Variants in DLGAP1 observed in about 807,000 individuals in gnomAD.
The protein encoded by DLGAP1 is disks large-associated protein 1.
In DLGAP1, 11 loss-of-function variants were observed where a neutral mutation model predicts 90.8. The ratio of observed to expected loss-of-function variants is 0.12; its 90% CI spans 0.08 to 0.20. DLGAP1 has a LOEUF of 0.20. DLGAP1 is among the 10% of genes least tolerant of loss of function. The probability of loss-of-function intolerance (pLI) is 1.00; values close to 1 mark genes in which losing one functional copy is unlikely to be tolerated. For missense variants in DLGAP1, 1,050 were observed against 1,333.8 expected (o/e 0.79, Z 3.31); for synonymous variants, 558 against 540.7 (o/e 1.03, Z -0.44).
intron 3 of DLGAP1, among the ~76,000 whole-genome samples, chr18:3,887,245 T>C (rs1380427231): frequency 6.6e-6 from 1 of 152,186 alleles, no homozygotes; most frequent in African/African-American, 2.4e-5. Context: ...TTTTGTGTAC[T>C]GAACCTTGCA....
At position 3,987,312 on chromosome 18, in the gene DLGAP1, G is replaced by A. The variant is rs567775774; in HGVS notation, c.-73+17804C>T. Among the ~76,000 whole-genome samples, 21 of 152,154 alleles carry A rather than the reference G, an allele frequency of 1.4e-4. 1 individual carries two copies. The South Asian group carries it at 4.4e-3, about 32-fold the overall frequency. ...TACTCACTGAGGTCCCCATTTCCTCGATTGTTTGGAGAAAGGATTTTGAAA... is the reference window on the plus strand; with the variant it reads ...TACTCACTGAGGTCCCCATTTCCTCAATTGTTTGGAGAAAGGATTTTGAAA... On this transcript the variant is annotated intron_variant, in intron 3 of 12. Transcript: ENST00000315677.
intron 2 of DLGAP1, among the ~76,000 whole-genome samples, chr18:4,108,709 A>T (rs970272850): frequency 1.3e-5 from 2 of 152,248 alleles, no homozygotes; most frequent in Non-Finnish European, 2.9e-5. Flanking sequence ...AAGCAACTTT[A>T]GGCAGCATTT....
intron 7 of DLGAP1, among the ~76,000 whole-genome samples, chr18:3,623,568 A>T (rs1157947312): frequency 1.3e-5 from 2 of 151,850 alleles, no homozygotes; most frequent in Non-Finnish European, 2.9e-5. Context: ...CGGGCGGATC[A>T]CCTGAGGTCA....
At chr18:4,229,848 T>C (rs1221483057) in intron 1 of DLGAP1, among the ~76,000 whole-genome samples, 1 of 151,926 alleles carries the variant, frequency 6.6e-6, no homozygotes, top group Non-Finnish European at 1.5e-5. Context: ...ATCAACAAAG[T>C]GAAGACATAA....
At chr18:4,327,490 A>G (rs4550556) in intron 1 of DLGAP1, among the ~76,000 whole-genome samples, 45,255 of 151,878 alleles carry the variant, frequency 0.3, 6,854 homozygotes, top group East Asian at 0.34. Flanking sequence ...AAATTATTCA[A>G]TATTGAAGTA....
At chr18:3,860,098 C>CAAAAAAAAAAAAAAA (rs1169488386) in intron 4 of DLGAP1, among the ~76,000 whole-genome samples, 124 of 104,822 alleles carry the variant, frequency 1.2e-3, no homozygotes, top group African/African-American at 3.4e-3. Context: ...GACTCTGTCT[C>CAAAAAAAAAAAAAAA]AAAAAATAAA....
intron 2 of DLGAP1, among the ~76,000 whole-genome samples, chr18:4,057,028 C>G (rs1413154655): frequency 2.0e-5 from 3 of 149,600 alleles, no homozygotes; most frequent in African/African-American, 7.4e-5. Flanking sequence ...CACACACACA[C>G]ACACACACAC....
intron 1 of DLGAP1, among the ~76,000 whole-genome samples, chr18:4,409,885 A>G (rs2144600359): frequency 6.6e-6 from 1 of 152,350 alleles, no homozygotes; most frequent in East Asian, 1.9e-4. Flanking sequence ...AATTCACAAT[A>G]GCAAAATTGT....
chr18:3,977,434 G>GTTTTTTTTTTTTTTTTTTTT (rs58599574), intron 3 of DLGAP1, among the ~76,000 whole-genome samples: 7 of 95,330 alleles, frequency 7.3e-5, no homozygotes, highest in African/African-American at 2.9e-4. Context: ...TTTATTCTGT[G>GTTTTTTTTTTTTTTTTTTTT]TTTTTTTTTT....
intron 4 of DLGAP1, among the ~76,000 whole-genome samples, chr18:3,826,917 A>G (rs1292055826): frequency 6.6e-6 from 1 of 152,126 alleles, no homozygotes; most frequent in Non-Finnish European, 1.5e-5. Flanking sequence ...GATAGGGCCA[A>G]GAGGTTTGCT....
intron 2 of DLGAP1, among the ~76,000 whole-genome samples, chr18:4,060,421 C>A (rs545731105): frequency 6.6e-6 from 1 of 152,276 alleles, no homozygotes; most frequent in Non-Finnish European, 1.5e-5. Context: ...CCTCTGAATT[C>A]ATCTTTCTCT....
rs137967708 is a variant in DLGAP1 at position 4,021,233 on chromosome 18, T to C, written c.-158-16032A>G. On this transcript the variant is annotated intron_variant, in intron 2 of 12. Coordinates refer to ENST00000315677, the MANE Select transcript of DLGAP1 (RefSeq NM_004746.4). ...CCTGTCTTGATAAATCGGCTCTGTC[T>C]AGGCAGCAGGCAAGGAGAATCCATG... 1.8e-3 allele frequency among the ~76,000 whole-genome samples: 281 copies of C among 152,324 alleles called. 2 individuals are homozygous for C. Among genetic ancestry groups the C allele is most frequent in the East Asian group, 0.016 (81 of 5,182 alleles).
intron 9 of DLGAP1, among the ~76,000 whole-genome samples, chr18:3,559,706 T>C (rs1435594593): frequency 1.4e-5 from 2 of 142,886 alleles, no homozygotes; most frequent in African/African-American, 5.2e-5. Context: ...CACTGCAACC[T>C]CTGCCTCCTG....
chr18:3,846,627 AAT>A lies in DLGAP1; in HGVS notation c.958-32356_958-32355del, dbSNP rs372785663. On this transcript the variant is annotated intron_variant, in intron 4 of 12. Transcript: ENST00000315677. The stretch of plus-strand genomic sequence containing the variant: ...CATTATTTGGAATGAAAAGAAATGA[AAT>A]ATTGATACCTGCTATAACATGGATA... Among the ~76,000 whole-genome samples, 121 of 152,346 alleles carry A rather than the reference AAT, an allele frequency of 7.9e-4. No individual in the cohort carries two copies. In the South Asian group the frequency reaches 0.014, roughly 17 times the overall value.
chr18:3,522,376 A>G (rs1284404964), intron 10 of DLGAP1, among the ~76,000 whole-genome samples: 1 of 151,638 alleles, frequency 6.6e-6, no homozygotes, highest in African/African-American at 2.4e-5. Context: ...ACCTCAAGTG[A>G]TCTGCCCACC....
intron 10 of DLGAP1, among the ~76,000 whole-genome samples, chr18:3,523,532 C>A (rs1408331336): frequency 6.6e-6 from 1 of 151,890 alleles, no homozygotes; most frequent in African/African-American, 2.4e-5. Flanking sequence ...GCAACTAACC[C>A]CAAAAAACTC....
chr18:4,071,835 T>C (rs920601556), intron 2 of DLGAP1, among the ~76,000 whole-genome samples: 5 of 152,204 alleles, frequency 3.3e-5, no homozygotes, highest in Non-Finnish European at 7.3e-5. Context: ...CCATTCATCA[T>C]TACAGAGAGA....
At chr18:3,661,843 A>T (rs2059695267) in intron 7 of DLGAP1, among the ~76,000 whole-genome samples, 1 of 151,820 alleles carries the variant, frequency 6.6e-6, no homozygotes, top group Non-Finnish European at 1.5e-5. Context: ...TGGCCTCCCA[A>T]AGTGCTAGGA....
chr18:3,957,287 G>A (rs2073103031), intron 3 of DLGAP1, among the ~76,000 whole-genome samples: 1 of 152,192 alleles, frequency 6.6e-6, no homozygotes, highest in Non-Finnish European at 1.5e-5. Flanking sequence ...CTGGAAGCCT[G>A]TAAGGGAAAA....
Sources: gnomAD v4.1 joint callset for allele counts (sites outside exome capture counted in the v4.1 genomes callset) on GRCh38, gnomAD v4.1.1 for gene constraint, MANE v1.5 for transcripts, NCBI Gene and HGNC (gene_info 2026-07-23, HGNC 2026-07-21) for gene names.